TFPT: variants seen among roughly 807,000 people sequenced by gnomAD.
TFPT encodes the protein INO80 complex subunit F.
TFPT carries 27 observed loss-of-function variants against 28.8 expected under a neutral mutation model. The ratio of observed to expected loss-of-function variants is 0.94; its 90% CI spans 0.69 to 1.29. The LOEUF (loss-of-function observed/expected upper bound fraction) is 1.29, where lower values mean the gene tolerates loss of function less well. Among genes scored for constraint, TFPT ranks in the 50% most tolerant of loss-of-function variants. The pLI, the probability that TFPT is intolerant of heterozygous loss-of-function variation, is 0.00. For missense variants in TFPT, 330 were observed against 338.0 expected (o/e 0.98, Z 0.19); for synonymous variants, 152 against 142.8 (o/e 1.06, Z -0.46).
At chr19:54,108,540 C>T in intron 3 of TFPT, 145 bp from the exon 4 acceptor site, 1 of 1,611,200 alleles carries the variant, frequency 6.2e-7, no homozygotes, top group Non-Finnish European at 8.5e-7. Flanking sequence ...CACTGGAGGC[C>T]TGGGAGCCAT....
intron 2 of TFPT, among the ~76,000 whole-genome samples, chr19:54,110,701 CA>C (rs1214150320): frequency 8.1e-5 from 12 of 147,932 alleles, no homozygotes; most frequent in East Asian, 2.0e-4. Flanking sequence ...GGTTCTGTTT[CA>C]AAAAAAAAAA....
chr19:54,113,439 G>A (rs2073512189), intron 2 of TFPT, among the ~76,000 whole-genome samples: 1 of 152,162 alleles, frequency 6.6e-6, no homozygotes, highest in South Asian at 2.1e-4. Context: ...TGCCTTGGAT[G>A]TCTAGCCTCC....
intron 2 of TFPT, 40 bp downstream of exon 2, chr19:54,114,402 G>T: frequency 1.9e-6 from 3 of 1,587,346 alleles, no homozygotes; most frequent in Non-Finnish European, 2.6e-6. Context: ...GGTAGTTTAG[G>T]CCAGGGGACC....
chr19:54,113,236 G>T (rs1176243881), intron 2 of TFPT, among the ~76,000 whole-genome samples: 1 of 152,072 alleles, frequency 6.6e-6, no homozygotes, highest in Non-Finnish European at 1.5e-5. Context: ...TGAAGCCAGT[G>T]GGTGGGCCCT....
rs73936706 is a variant in TFPT, at chr19:54,108,307, C to G, written c.423+19G>C. The G allele has an allele frequency of 1.3e-6, 2 of 1,590,072 alleles. No individual in the cohort carries two copies. Among genetic ancestry groups the G allele is most frequent in the African/African-American group, 2.7e-5 (2 of 74,252 alleles). On this transcript the variant is annotated intron_variant, in intron 4 of 5. Coordinates refer to ENST00000391759, the MANE Select transcript of TFPT (RefSeq NM_013342.4). ...CCTGAGCTCCCAGTTCCTGACCCTC[C>G]TGGAGGCCCAACACTCACCTCCAGC...
At position 54,108,073 on chromosome 19, in the gene TFPT, C is replaced by T. The variant is rs781439874; in HGVS notation, c.595G>A (p.Gly199Arg). ...GTCAGCGCATTTCCTGCTCGGCGTC[C>T]ATCCCGTGGCACTCGCCGCCTCTTC... ...GRKRRRVPRD[G>R]RRAGNALTPE... The change falls in exon 5 of 6, where the codon GGA becomes AGA. Residue 199 changes from glycine to arginine, a missense_variant. Transcript: ENST00000391759. 4.5e-6 allele frequency: 7 copies of T among 1,548,192 alleles called. No individual in the cohort carries two copies. The South Asian group carries it at 6.2e-5, about 14-fold the overall frequency.
At position 54,114,374 on chromosome 19, in the gene TFPT, G is replaced by A. The variant is rs1036799912; in HGVS notation, c.282+68C>T. On this transcript the variant is annotated intron_variant, in intron 2 of 5. Coordinates refer to ENST00000391759, the MANE Select transcript of TFPT (RefSeq NM_013342.4). ...CAAGAAAGGCTGGGCATGTGGAAAG[G>A]CAGAGATTGCGGGGGGCGGTAGTTT... The A allele has an allele frequency of 4.4e-5, 69 of 1,554,488 alleles. No homozygotes were observed. In the Middle Eastern group the frequency reaches 6.9e-4, roughly 16 times the overall value.
chr19:54,111,029 G>C (rs1043037270), intron 2 of TFPT, among the ~76,000 whole-genome samples: 5 of 152,224 alleles, frequency 3.3e-5, no homozygotes, highest in African/African-American at 1.2e-4. Context: ...TAGGGCAGGA[G>C]GTGCGACTTT....
intron 1 of TFPT, chr19:54,114,993 G>T: frequency 1.5e-6 from 1 of 667,596 alleles, no homozygotes; most frequent in Non-Finnish European, 2.5e-6. Flanking sequence ...GACCCAGGGA[G>T]TCCAAGCCCC....
At chr19:54,114,888 C>T (rs1210737537) in intron 1 of TFPT, among the ~76,000 whole-genome samples, 188 bp from the exon 2 acceptor site, 1 of 150,600 alleles carries the variant, frequency 6.6e-6, no homozygotes, top group Non-Finnish European at 1.5e-5. Context: ...AGTCCAAGTC[C>T]GCAACCCACC....
At chr19:54,114,091 A>G (rs1230952679) in intron 2 of TFPT, among the ~76,000 whole-genome samples, 1 of 152,146 alleles carries the variant, frequency 6.6e-6, no homozygotes, top group Non-Finnish European at 1.5e-5. Context: ...AAGGGTCCAG[A>G]GACACTCAAG....
At chr19:54,111,099 G>A (rs1014825172) in intron 2 of TFPT, among the ~76,000 whole-genome samples, 1 of 152,178 alleles carries the variant, frequency 6.6e-6, no homozygotes, top group Non-Finnish European at 1.5e-5. Flanking sequence ...AGACAAAGGG[G>A]TGACAGGAGG....
At chr19:54,110,232 C>T (rs587668154) in intron 2 of TFPT, 111 bp from the exon 3 acceptor site, 18 of 1,187,604 alleles carry the variant, frequency 1.5e-5, no homozygotes, top group Middle Eastern at 1.9e-4. Flanking sequence ...AAGACCATCC[C>T]GTGGCCTGAG....
intron 2 of TFPT, among the ~76,000 whole-genome samples, chr19:54,113,160 A>T (rs1275089437): frequency 6.6e-6 from 1 of 151,420 alleles, no homozygotes; most frequent in Non-Finnish European, 1.5e-5. Flanking sequence ...TTGAGGCTTT[A>T]ACCCCCAGTA....
At chr19:54,113,407 T>C (rs2073510812) in intron 2 of TFPT, among the ~76,000 whole-genome samples, 1 of 152,106 alleles carries the variant, frequency 6.6e-6, no homozygotes, top group Non-Finnish European at 1.5e-5. Flanking sequence ...CCTGGAAGAT[T>C]CTCACAACCC....
chr19:54,110,128 G>T lies in TFPT; in HGVS notation c.283-7C>A, dbSNP rs147098569. On this transcript the variant is annotated splice_polypyrimidine_tract_variant and splice_region_variant and intron_variant, in intron 2 of 5. Coordinates refer to ENST00000391759, the MANE Select transcript of TFPT (RefSeq NM_013342.4). ...TCAGGACCCGCTCGTTCACCTATGG[G>T]GTGGGAAACGCCCATCAGCTGGATC... 5.7e-3 allele frequency: 9,265 copies of T among 1,614,014 alleles called. 311 individuals carry two copies. The South Asian group carries it at 0.07, about 12-fold the overall frequency.
intron 2 of TFPT, among the ~76,000 whole-genome samples, chr19:54,113,970 C>T (rs1427428028): frequency 6.6e-6 from 1 of 152,186 alleles, no homozygotes; most frequent in Non-Finnish European, 1.5e-5. Context: ...GGATTACAAG[C>T]GTGAGCCACC....
In TFPT at chr19:54,114,488, CG is replaced by C. The variant is rs1568574305; in HGVS notation, c.235del (p.Arg79AlafsTer7). On this transcript the variant is annotated frameshift_variant, in exon 2 of 6. Transcript: ENST00000391759. LOFTEE classifies it high-confidence loss of function. ...CCGACCTAGTGCCTGGTACTTTCTG[CG>C]ATTTAATTCCCGCTGGCGCCGCCGC... ...GRRRRQRELNRRKYQALGRRC... is the reference protein window; with the variant it reads ...GRRRRQRELNXRKYQALGRRC... 1 of 1,613,840 alleles carries C rather than the reference CG, an allele frequency of 6.2e-7. No homozygotes were observed.
rs377239639 is a variant in TFPT at position 54,108,119 on chromosome 19, G to A, written c.549C>T (p.Pro183=). 4.0e-5 allele frequency: 63 copies of A among 1,575,548 alleles called. No individual in the cohort carries two copies. The highest frequency in any genetic ancestry group is 2.2e-4 in the African/African-American group (16 of 73,722). The part of the protein sequence containing the change: ...PAPPEPGSPA[P]GEGPSGRKRR... Reference sequence around the variant, plus strand: ...TCTTCCGCCCACTGGGCCCCTCACCGGGGGCTGGGCTGCCGGGTTCTGGGG... The same window carrying A: ...TCTTCCGCCCACTGGGCCCCTCACCAGGGGCTGGGCTGCCGGGTTCTGGGG... Residue 183 remains proline (P), a synonymous_variant, in exon 5 of 6, where the codon CCC becomes CCT. Transcript: ENST00000391759.
Sources: gnomAD v4.1 joint callset for allele counts (sites outside exome capture counted in the v4.1 genomes callset) on GRCh38, gnomAD v4.1.1 for gene constraint, MANE v1.5 for transcripts, NCBI Gene and HGNC (gene_info 2026-07-23, HGNC 2026-07-21) for gene names.